SYT1: variants seen among roughly 807,000 people sequenced by gnomAD.
SYT1 encodes synaptotagmin 1.
In SYT1, 8 loss-of-function variants were observed where a neutral mutation model predicts 44.8. The ratio of observed to expected loss-of-function variants is 0.18; its 90% CI spans 0.10 to 0.32. SYT1 has a LOEUF of 0.32. Ranked by LOEUF, SYT1 falls within the 10% of genes least tolerant of loss-of-function variation. The pLI is 1.00. For missense variants in SYT1, 286 were observed against 509.3 expected (o/e 0.56, Z 4.22); for synonymous variants, 154 against 188.8 (o/e 0.82, Z 1.51).
chr12:79,333,296 G>A (rs780457362), intron 8 of SYT1, among the ~76,000 whole-genome samples: 4 of 152,044 alleles, frequency 2.6e-5, no homozygotes, highest in East Asian at 1.9e-4. Flanking sequence ...CATGTCAGAC[G>A]GGGCAAAGGA....
intron 3 of SYT1, among the ~76,000 whole-genome samples, chr12:79,191,572 C>T (rs970914871): frequency 1.3e-5 from 2 of 152,140 alleles, no homozygotes; most frequent in African/African-American, 4.8e-5. Flanking sequence ...TCTTCTACTT[C>T]CTCTTACACT....
intron 3 of SYT1, among the ~76,000 whole-genome samples, chr12:79,079,514 T>C (rs1249249945): frequency 6.6e-6 from 1 of 151,990 alleles, no homozygotes; most frequent in East Asian, 1.9e-4. Context: ...ATGATATATA[T>C]GTTGTTATTT....
chr12:79,142,010 G>A (rs778350463), intron 3 of SYT1, among the ~76,000 whole-genome samples: 1 of 152,202 alleles, frequency 6.6e-6, no homozygotes, highest in Non-Finnish European at 1.5e-5. Flanking sequence ...GCCCTTGAAT[G>A]TGCTTGAGTA....
chr12:79,279,279 C>T (rs191389587), intron 4 of SYT1, among the ~76,000 whole-genome samples: 1 of 152,104 alleles, frequency 6.6e-6, no homozygotes, highest in Admixed American at 6.6e-5. Context: ...TCCAACAGCA[C>T]ATGAAAAAAT....
intron 9 of SYT1, among the ~76,000 whole-genome samples, chr12:79,415,737 T>A (rs188538317): frequency 6.6e-6 from 1 of 152,304 alleles, no homozygotes; most frequent in East Asian, 1.9e-4. Flanking sequence ...GCAGAATTCC[T>A]GACTGAAAGG....
chr12:79,449,197 A>G lies in SYT1; in HGVS notation c.*73A>G. On this transcript the variant is annotated 3_prime_UTR_variant, in exon 11 of 11. Transcript: ENST00000261205. ...CAGTATCTGTAAATACCTCAGTAAT[A>G]TGGGTCCTTTCATTTTTCCAGCCAT... The G allele has an allele frequency of 7.0e-7, 1 of 1,431,964 alleles. No individual in the cohort carries two copies. Among genetic ancestry groups the G allele is most frequent in the Non-Finnish European group, 9.5e-7 (1 of 1,050,526 alleles). 88.7% of individuals were successfully genotyped at this position (1,431,964 alleles called of 1,614,324 possible).
chr12:78,931,292 AAGGAAGGAAGGAAGGAGAGGGAGGG>A (rs1877687665), intron 1 of SYT1, among the ~76,000 whole-genome samples: 1 of 92,298 alleles, frequency 1.1e-5, no homozygotes, highest in African/African-American at 4.0e-5. Context: ...GGAAGGAAGG[AAGGAAGGAAGGAAGGAGAGGGAGGG>A]AGGGAGGGAG....
intron 3 of SYT1, among the ~76,000 whole-genome samples, chr12:79,064,289 C>G (rs1310540890): frequency 6.6e-6 from 1 of 151,926 alleles, no homozygotes; most frequent in Admixed American, 6.6e-5. Flanking sequence ...AAGCCTGGCC[C>G]AAGATGTGAA....
chr12:79,151,847 A>G (rs1870292781), intron 3 of SYT1, among the ~76,000 whole-genome samples: 1 of 152,170 alleles, frequency 6.6e-6, no homozygotes, highest in Non-Finnish European at 1.5e-5. Flanking sequence ...TGCTGACGAG[A>G]GAAGGGAGAA....
chr12:79,334,373 C>T (rs751703003), intron 8 of SYT1, among the ~76,000 whole-genome samples: 26 of 152,066 alleles, frequency 1.7e-4, no homozygotes, highest in Middle Eastern at 3.2e-3. Flanking sequence ...CAGATATTTA[C>T]GGCACAATAT....
At chr12:79,199,304 A>G (rs888879267) in intron 3 of SYT1, among the ~76,000 whole-genome samples, 1 of 152,140 alleles carries the variant, frequency 6.6e-6, no homozygotes, top group Non-Finnish European at 1.5e-5. Flanking sequence ...ATGCTGGCTG[A>G]AATTTTTACT....
In SYT1 at chr12:79,145,737, GT is replaced by G. The variant is rs200045050; in HGVS notation, c.-17-71751del. On this transcript the variant is annotated intron_variant, in intron 3 of 10. Coordinates refer to ENST00000261205, the MANE Select transcript of SYT1 (RefSeq NM_005639.3). The stretch of plus-strand genomic sequence containing the variant: ...CAGAACCCAAGATTTAAACATAGTG[GT>G]TTTTTTTTTTTTTTGTTTGTTTGTT... Among the ~76,000 whole-genome samples the G allele has an allele frequency of 6.3e-3, 819 of 129,222 alleles. 7 individuals carry two copies. The highest frequency in any genetic ancestry group is 0.013 in the East Asian group (62 of 4,692). 84.8% of individuals were successfully genotyped at this position (129,222 alleles called of 152,430 possible).
At chr12:79,147,621 T>C (rs1870001233) in intron 3 of SYT1, among the ~76,000 whole-genome samples, 1 of 152,190 alleles carries the variant, frequency 6.6e-6, no homozygotes. Flanking sequence ...TATAACTACA[T>C]TTCTTACAAT....
chr12:78,985,663 G>A (rs1285722924), intron 2 of SYT1, among the ~76,000 whole-genome samples: 1 of 151,698 alleles, frequency 6.6e-6, no homozygotes, highest in Non-Finnish European at 1.5e-5. Flanking sequence ...TAAAAATTTT[G>A]GGACTTATTA....
At chr12:79,165,441 CA>C (rs1369592817) in intron 3 of SYT1, among the ~76,000 whole-genome samples, 4 of 151,838 alleles carry the variant, frequency 2.6e-5, no homozygotes, top group African/African-American at 9.7e-5. Context: ...AAATGTATTC[CA>C]AAATTATAAT....
chr12:79,096,206 C>T (rs1313307786), intron 3 of SYT1, among the ~76,000 whole-genome samples: 1 of 151,826 alleles, frequency 6.6e-6, no homozygotes, highest in Non-Finnish European at 1.5e-5. Context: ...TTTAATCTTT[C>T]CTAGGTTTAG....
chr12:78,950,032 T>G (rs1565732955), intron 1 of SYT1, among the ~76,000 whole-genome samples: 2 of 152,028 alleles, frequency 1.3e-5, no homozygotes, highest in Non-Finnish European at 2.9e-5. Flanking sequence ...CTCCAATTAT[T>G]TTTTCAAAAA....
At chr12:79,157,468 A>C (rs907254586) in intron 3 of SYT1, among the ~76,000 whole-genome samples, 1 of 152,202 alleles carries the variant, frequency 6.6e-6, no homozygotes, top group Non-Finnish European at 1.5e-5. Flanking sequence ...AAAGTCCCCC[A>C]CTTTAAATGA....
At chr12:78,965,519 G>C (rs1879722228) in intron 1 of SYT1, among the ~76,000 whole-genome samples, 1 of 152,110 alleles carries the variant, frequency 6.6e-6, no homozygotes, top group South Asian at 2.1e-4. Context: ...TCTACATCTA[G>C]TGCTAATACT....
Sources: allele counts gnomAD v4.1 joint callset (sites outside exome capture counted in the v4.1 genomes callset), GRCh38; gene constraint gnomAD v4.1.1; transcripts MANE v1.5; gene names NCBI Gene and HGNC (gene_info 2026-07-23, HGNC 2026-07-21).